The following DNAAF5 variants were observed in gnomAD, a reference collection of about 807,000 sequenced individuals.
The protein encoded by DNAAF5 is dynein axonemal assembly factor 5.
Under a neutral mutation model 75.8 loss-of-function variants are expected in DNAAF5, and 64 were observed. The ratio of observed to expected loss-of-function variants is 0.84; its 90% CI spans 0.69 to 1.04. The LOEUF (loss-of-function observed/expected upper bound fraction) is 1.04. Ranked by LOEUF, DNAAF5 falls within the 50% of genes least tolerant of loss-of-function variation. The pLI is 0.00. For synonymous variants in DNAAF5, 657 were observed against 557.2 expected, an observed-to-expected ratio of 1.18 and a Z score of -2.52; for missense variants, 1,269 against 1,178.5, an observed-to-expected ratio of 1.08 and a Z score of -1.12.
chr7:774,007 C>T (rs368575042), intron 9 of DNAAF5, 41 bp from the exon 10 acceptor site: 40 of 1,612,774 alleles, frequency 2.5e-5, no homozygotes, highest in African/African-American at 8.0e-5. Flanking sequence ...TTCCGAGCAC[C>T]TGTCCGGTCT....
intron 12 of DNAAF5, among the ~76,000 whole-genome samples, chr7:782,806 G>A (rs977611579): frequency 2.0e-5 from 3 of 149,686 alleles, no homozygotes; most frequent in South Asian, 2.1e-4. Flanking sequence ...TCAGAAACTC[G>A]GTCTTCCTGC....
chr7:736,662 G>A (rs1012782373), intron 2 of DNAAF5, among the ~76,000 whole-genome samples: 2 of 152,096 alleles, frequency 1.3e-5, no homozygotes, highest in African/African-American at 2.4e-5. Flanking sequence ...CCATTCAGCC[G>A]CTCTGTCTTT....
Position 764,264 on chromosome 7 carries a change from A to C in DNAAF5, c.1783+290A>C, listed in dbSNP as rs78709724. ...CCTGTTTTGTAGCCTGGCTTCTTAA[A>C]TACGTCTGGATTTTGTTGCAGAATC... On this transcript the variant is annotated intron_variant, in intron 8 of 12. Transcript: ENST00000297440. Among the ~76,000 whole-genome samples the C allele has an allele frequency of 5.3e-5, 8 of 152,340 alleles. No individual in the cohort carries two copies. The East Asian group carries it at 1.4e-3, about 26-fold the overall frequency.
intron 8 of DNAAF5, chr7:769,156 C>G (rs776991958): frequency 2.6e-6 from 2 of 773,128 alleles, no homozygotes; most frequent in Non-Finnish European, 4.8e-6. Flanking sequence ...TGATGACTGG[C>G]GGCGCCAGGG....
chr7:727,258 G>C lies in DNAAF5; in HGVS notation c.538G>C (p.Ala180Pro). 1 of 1,327,644 alleles carries C rather than the reference G, an allele frequency of 7.5e-7. No individual in the cohort carries two copies. Among genetic ancestry groups the C allele is most frequent in the Non-Finnish European group, 9.6e-7 (1 of 1,042,748 alleles). The allele number at this position is 1,327,644 out of a possible 1,614,324, so 82.2% of individuals were successfully genotyped here. A position where few individuals can be genotyped will look rare whatever the true frequency, so the allele number is the denominator to read the frequency against. Residue 180 changes from alanine (A) to proline (P), a missense_variant, in exon 1 of 13, where the codon GCC (alanine) becomes CCC (proline). Ala to Pro is a conservative substitution (Grantham distance 27). Coordinates refer to ENST00000297440, the MANE Select transcript of DNAAF5 (RefSeq NM_017802.4). Reference sequence around the variant, plus strand: ...GCGCTGCTCCCTGCTCGACCCCTTCGCCGCCGTGCGCCGCGAGAGCTGCAG... The same window carrying C: ...GCGCTGCTCCCTGCTCGACCCCTTCCCCGCCGTGCGCCGCGAGAGCTGCAG... ...ALRCSLLDPF[A>P]AVRRESCSCA... is the part of the protein sequence containing the mutation.
chr7:729,986 A>G (rs954037927), intron 2 of DNAAF5, 139 bp downstream of exon 2: 1 of 804,660 alleles, frequency 1.2e-6, no homozygotes, highest in Non-Finnish European at 2.0e-6. Context: ...TAGTCACAGG[A>G]CGTTCCTGTT....
At chr7:771,220 G>A (rs1050239011) in intron 9 of DNAAF5, 4 of 152,284 alleles carry the variant, frequency 2.6e-5, no homozygotes, top group African/African-American at 4.8e-5. Context: ...TTAAGACCCC[G>A]AGGGTCTAGG....
At position 785,513 on chromosome 7, in the gene DNAAF5, A is replaced by G; in HGVS notation, c.2432-4A>G. On this transcript the variant is annotated splice_region_variant and splice_polypyrimidine_tract_variant and intron_variant, in intron 12 of 12. Transcript: ENST00000297440. ...CATGTTCAAGGTGTTTTTCTGTTTT[A>G]CAGAGGTCCTCAAAGAGGGCAGCGG... The G allele has an allele frequency of 1.2e-6, 2 of 1,613,494 alleles. No individual in the cohort carries two copies. The highest frequency in any genetic ancestry group is 1.1e-5 in the South Asian group (1 of 91,046).
chr7:764,110 A>C, intron 8 of DNAAF5, 136 bp downstream of exon 8: 1 of 889,534 alleles, frequency 1.1e-6, no homozygotes, highest in Non-Finnish European at 1.7e-6. Context: ...AAAGTACCCA[A>C]TAGTCACTCT....
At chr7:759,581 T>G (rs529045533) in intron 6 of DNAAF5, among the ~76,000 whole-genome samples, 47 of 152,356 alleles carry the variant, frequency 3.1e-4, no homozygotes, top group African/African-American at 9.6e-4. Flanking sequence ...AAATAGTATT[T>G]CAAAAAATAC....
chr7:745,627 G>T (rs1322661950), intron 4 of DNAAF5, among the ~76,000 whole-genome samples: 2 of 152,050 alleles, frequency 1.3e-5, no homozygotes, highest in African/African-American at 2.4e-5. Flanking sequence ...GCACACACGT[G>T]TACATGTATA....
intron 2 of DNAAF5, among the ~76,000 whole-genome samples, chr7:740,527 G>A (rs964474428): frequency 6.6e-6 from 1 of 152,214 alleles, no homozygotes; most frequent in Non-Finnish European, 1.5e-5. Context: ...AACAGGACCA[G>A]GCCGGGGCAC....
At chr7:743,406 A>G (rs1019014168) in intron 4 of DNAAF5, among the ~76,000 whole-genome samples, 1 of 151,756 alleles carries the variant, frequency 6.6e-6, no homozygotes, top group African/African-American at 2.4e-5. Flanking sequence ...ACAGTTTCTC[A>G]TGTCTGGTAT....
chr7:752,081 C>T (rs1336651507), intron 4 of DNAAF5, among the ~76,000 whole-genome samples: 1 of 152,194 alleles, frequency 6.6e-6, no homozygotes, highest in Non-Finnish European at 1.5e-5. Flanking sequence ...GCTTTCAGAC[C>T]GATGAGCAGA....
chr7:776,755 C>T (rs1778773358), intron 11 of DNAAF5, among the ~76,000 whole-genome samples: 1 of 152,226 alleles, frequency 6.6e-6, no homozygotes, highest in African/African-American at 2.4e-5. Context: ...GGGCAGCCTG[C>T]ACACAAACCC....
At chr7:772,627 G>C (rs1778607180) in intron 9 of DNAAF5, 1 of 152,228 alleles carries the variant, frequency 6.6e-6, no homozygotes, top group African/African-American at 2.4e-5. Context: ...GGGTCCTGTG[G>C]GTCTGGCTGT....
At chr7:777,817 C>T (rs1024428355) in intron 11 of DNAAF5, among the ~76,000 whole-genome samples, 3 of 152,102 alleles carry the variant, frequency 2.0e-5, no homozygotes, top group African/African-American at 4.8e-5. Flanking sequence ...CTCAAGATCA[C>T]GAGACAGAGA....
intron 4 of DNAAF5, among the ~76,000 whole-genome samples, chr7:751,915 G>T (rs1226699920): frequency 6.6e-6 from 1 of 152,128 alleles, no homozygotes; most frequent in Non-Finnish European, 1.5e-5. Context: ...AGTCCCTGAA[G>T]GCTTTTCTGT....
At chr7:780,226 C>A in intron 12 of DNAAF5, 82 bp downstream of exon 12, 1 of 1,348,296 alleles carries the variant, frequency 7.4e-7, no homozygotes. Context: ...GCCGTGTGAC[C>A]GGCCACAGGG....
Sources: gnomAD v4.1 joint callset for allele counts (sites outside exome capture counted in the v4.1 genomes callset) on GRCh38, gnomAD v4.1.1 for gene constraint, MANE v1.5 for transcripts, NCBI Gene and HGNC (gene_info 2026-07-23, HGNC 2026-07-21) for gene names.